Variants in CREB5 observed in about 807,000 individuals in gnomAD.
CREB5 encodes the protein cyclic AMP-responsive element-binding protein 5.
In CREB5, 19 loss-of-function variants were observed where a neutral mutation model predicts 57.1. That is an observed-to-expected ratio of 0.33 (90% CI 0.23 to 0.49). The LOEUF (loss-of-function observed/expected upper bound fraction) is 0.49, where lower values mean the gene tolerates loss of function less well. Among genes scored for constraint, CREB5 ranks in the 20% least tolerant of loss-of-function variants. The probability of loss-of-function intolerance (pLI) is 0.99; values close to 1 mark genes in which losing one functional copy is unlikely to be tolerated. For missense variants in CREB5, 579 were observed against 671.6 expected (o/e 0.86, Z 1.52); for synonymous variants, 238 against 238.3 (o/e 1.00, Z 0.01).
intron 1 of CREB5, among the ~76,000 whole-genome samples, chr7:28,372,122 G>A (rs775755034): frequency 4.6e-5 from 7 of 152,272 alleles, no homozygotes; most frequent in Middle Eastern, 3.4e-3. Flanking sequence ...CTGGGCTGGC[G>A]TATATACAAT....
rs1809923847 is a variant in CREB5 at position 28,823,897 on chromosome 7, CGA to C, written c.*4619_*4620del. On this transcript the variant is annotated 3_prime_UTR_variant, in exon 11 of 11. Transcript: ENST00000357727. ...AAATTTGAATAAAACCGTGCCTATGCGAACAGTAGCAATTTAGAATCTCTTTT... is the reference window on the plus strand; with the variant it reads ...AAATTTGAATAAAACCGTGCCTATGCACAGTAGCAATTTAGAATCTCTTTT... 6.6e-6 allele frequency: 1 copy of C among 152,500 alleles called. No individual in the cohort carries two copies. Among genetic ancestry groups the C allele is most frequent in the Non-Finnish European group, 1.5e-5 (1 of 68,018 alleles). The allele number at this position is 152,500 out of a possible 1,614,324, so 9.4% of individuals were successfully genotyped here. A position where few individuals can be genotyped will look rare whatever the true frequency, so the allele number is the denominator to read the frequency against.
chr7:28,712,285 A>G (rs916752537), intron 5 of CREB5, among the ~76,000 whole-genome samples: 2 of 152,046 alleles, frequency 1.3e-5, no homozygotes, highest in African/African-American at 4.8e-5. Context: ...AGGCAGGTGA[A>G]TCACTTGAGG....
At chr7:28,345,710 T>C (rs1241552358) in intron 1 of CREB5, among the ~76,000 whole-genome samples, 1 of 152,072 alleles carries the variant, frequency 6.6e-6, no homozygotes, top group Non-Finnish European at 1.5e-5. Context: ...CGGGAGGTGA[T>C]TGGGATTGTC....
chr7:28,662,125 G>T (rs906315813), intron 5 of CREB5, among the ~76,000 whole-genome samples: 11 of 152,154 alleles, frequency 7.2e-5, no homozygotes, highest in African/African-American at 2.7e-4. Context: ...AGAGAACTTT[G>T]TAAAATCACT....
intron 1 of CREB5, among the ~76,000 whole-genome samples, chr7:28,351,033 C>A (rs1164457325): frequency 6.6e-6 from 1 of 152,166 alleles, no homozygotes; most frequent in Non-Finnish European, 1.5e-5. Flanking sequence ...TTATGAATTT[C>A]CATCTGACAC....
intron 7 of CREB5, among the ~76,000 whole-genome samples, chr7:28,781,407 T>C (rs1806964455): frequency 6.6e-6 from 1 of 152,190 alleles, no homozygotes; most frequent in Non-Finnish European, 1.5e-5. Flanking sequence ...GGAATCTACA[T>C]GAATGAAATG....
At chr7:28,319,480 G>A (rs913579433) in intron 1 of CREB5, among the ~76,000 whole-genome samples, 4 of 152,148 alleles carry the variant, frequency 2.6e-5, no homozygotes, top group African/African-American at 7.2e-5. Context: ...TATTTTCTTT[G>A]TTATTCTCTG....
Position 28,418,518 on chromosome 7 carries a change from A to G in CREB5, c.3+5601A>G, listed in dbSNP as rs927834460. Among the ~76,000 whole-genome samples, 4 of 152,130 alleles carry G rather than the reference A, an allele frequency of 2.6e-5. No homozygotes were observed. In the East Asian group the frequency reaches 7.7e-4, roughly 29 times the overall value. On this transcript the variant is annotated intron_variant, in intron 1 of 10. Coordinates refer to ENST00000357727, the MANE Select transcript of CREB5 (RefSeq NM_182898.4). ...CAAATTCATGAGTCATTTCACTCTG[A>G]CCCTCTCTCTCCTTATCCCCTGCAG...
At chr7:28,635,463 A>C (rs1229037260) in intron 5 of CREB5, among the ~76,000 whole-genome samples, 2 of 152,206 alleles carry the variant, frequency 1.3e-5, no homozygotes, top group Non-Finnish European at 1.5e-5. Flanking sequence ...AAGATTAAGC[A>C]CTTAATATGT....
intron 5 of CREB5, among the ~76,000 whole-genome samples, chr7:28,671,645 CTTAT>C (rs1800044311): frequency 6.6e-6 from 1 of 152,146 alleles, no homozygotes; most frequent in Admixed American, 6.5e-5. Context: ...CCTTTCAGTT[CTTAT>C]TTGTTTTGTT....
chr7:28,709,775 A>G (rs1802312440), intron 5 of CREB5, among the ~76,000 whole-genome samples: 1 of 152,224 alleles, frequency 6.6e-6, no homozygotes. Flanking sequence ...CCAAATTCAT[A>G]AAAAGGAGGC....
chr7:28,446,120 C>T (rs1246134721), intron 1 of CREB5, among the ~76,000 whole-genome samples: 2 of 152,192 alleles, frequency 1.3e-5, no homozygotes, highest in African/African-American at 2.4e-5. Context: ...GGCAGACCAT[C>T]GTCCCCTCCC....
intron 5 of CREB5, among the ~76,000 whole-genome samples, chr7:28,590,782 C>T (rs1796480463): frequency 6.6e-6 from 1 of 151,972 alleles, no homozygotes; most frequent in Middle Eastern, 3.2e-3. Flanking sequence ...CTCTGTTTCT[C>T]TTCCCTAATG....
chr7:28,462,940 A>T (rs1235881778), intron 1 of CREB5, among the ~76,000 whole-genome samples: 1 of 151,706 alleles, frequency 6.6e-6, no homozygotes, highest in Non-Finnish European at 1.5e-5. Flanking sequence ...CAATTGACCT[A>T]TTTTTTCTTT....
intron 4 of CREB5, among the ~76,000 whole-genome samples, chr7:28,555,120 T>TGTGTGTGTGTGTGC (rs1554342983): frequency 6.6e-6 from 1 of 151,998 alleles, no homozygotes; most frequent in Non-Finnish European, 1.5e-5. Flanking sequence ...TGTGTGTGTG[T>TGTGTGTGTGTGTGC]GTGTGTAAAT....
chr7:28,316,916 A>G (rs954520900), intron 1 of CREB5, among the ~76,000 whole-genome samples: 3 of 151,766 alleles, frequency 2.0e-5, no homozygotes, highest in African/African-American at 7.3e-5. Flanking sequence ...TGTCTTGAAG[A>G]TTGTTGAAAG....
At chr7:28,413,024 G>A in intron 1 of CREB5, 107 bp downstream of exon 1, 2 of 1,051,490 alleles carry the variant, frequency 1.9e-6, no homozygotes, top group Non-Finnish European at 2.6e-6. Context: ...ATGGAGTTTA[G>A]ATTTTGCACA....
intron 1 of CREB5, among the ~76,000 whole-genome samples, chr7:28,350,771 G>A (rs1337406931): frequency 6.6e-6 from 1 of 152,088 alleles, no homozygotes; most frequent in African/African-American, 2.4e-5. Context: ...GGGAGCTGGA[G>A]GAGGAAGCCA....
intron 7 of CREB5, among the ~76,000 whole-genome samples, chr7:28,789,127 A>G (rs1807510828): frequency 6.6e-6 from 1 of 152,104 alleles, no homozygotes; most frequent in Non-Finnish European, 1.5e-5. Flanking sequence ...TGACAAGATA[A>G]TTTTCTCAGA....
Sources: allele counts gnomAD v4.1 joint callset (sites outside exome capture counted in the v4.1 genomes callset), GRCh38; gene constraint gnomAD v4.1.1; transcripts MANE v1.5; gene names NCBI Gene and HGNC (gene_info 2026-07-23, HGNC 2026-07-21).